The following BLZF1 variants were observed in gnomAD, a reference collection of about 807,000 sequenced individuals.
BLZF1 encodes the protein basic leucine zipper nuclear factor 1.
BLZF1 carries 39 observed loss-of-function variants against 43.8 expected under a neutral mutation model. The observed-to-expected ratio is 0.89, with a 90% CI of 0.69 to 1.16. The LOEUF (loss-of-function observed/expected upper bound fraction) is 1.16, where lower values mean the gene tolerates loss of function less well. BLZF1 is among the 50% of genes most tolerant of loss of function. The pLI, the probability that BLZF1 is intolerant of heterozygous loss-of-function variation, is 0.00. For missense variants in BLZF1, 449 were observed against 469.8 expected (o/e 0.96, Z 0.41); for synonymous variants, 136 against 159.4 (o/e 0.85, Z 1.11).
chr1:169,377,114 C>G, intron 3 of BLZF1, 135 bp downstream of exon 3: 1 of 746,168 alleles, frequency 1.3e-6, no homozygotes, highest in Non-Finnish European at 2.2e-6. Context: ...AATGCTTCCT[C>G]TTAAATTTCT....
Position 169,378,416 on chromosome 1 carries a change from T to C in BLZF1, c.555T>C (p.Asn185=), listed in dbSNP as rs1223391217. The part of the protein sequence containing the change: ...YHFERLAREK[N]QLILENEALG... ...TTGAACGTCTAGCCCGTGAGAAAAA[T>C]CAGCTTATTTTAGAAAATGAAGCCC... Residue 185 remains asparagine, a synonymous_variant, in exon 4 of 7, where the codon AAT becomes AAC. Transcript: ENST00000367808. The C allele has an allele frequency of 1.9e-6, 3 of 1,613,052 alleles. No homozygotes were observed. The highest frequency in any genetic ancestry group is 1.7e-5 in the Admixed American group (1 of 59,950).
At position 169,376,927 on chromosome 1, in the gene BLZF1, G is replaced by C; in HGVS notation, c.416G>C (p.Arg139Thr). 1.9e-6 allele frequency: 3 copies of C among 1,613,190 alleles called. No individual in the cohort carries two copies. Among genetic ancestry groups the C allele is most frequent in the Non-Finnish European group, 2.5e-6 (3 of 1,179,496 alleles). ...VLEKLKNSER[R>T]LLQDKEGLSN... is the part of the protein sequence containing the mutation. ...GAAAAGCTCAAGAATTCTGAAAGAA[G>C]GTTACTACAGGACAAAGAAGGTCTT... is the stretch of plus-strand genomic sequence containing the variant. The change falls in exon 3 of 7, where the codon AGG becomes ACG. Residue 139 changes from arginine (R) to threonine (T), a missense_variant. By Grantham distance (71) the Arg-to-Thr change is moderately conservative (BLOSUM62 -1). Transcript: ENST00000367808.
At chr1:169,371,274 C>T (rs1654109731) in intron 2 of BLZF1, among the ~76,000 whole-genome samples, 1 of 152,090 alleles carries the variant, frequency 6.6e-6, no homozygotes, top group African/African-American at 2.4e-5. Flanking sequence ...CAACATGGTG[C>T]TTGTCAAAAA....
intron 3 of BLZF1, 111 bp from the exon 4 acceptor site, chr1:169,378,214 TTCAAG>T: frequency 1.1e-6 from 1 of 939,260 alleles, no homozygotes; most frequent in East Asian, 2.5e-5. Flanking sequence ...TGATAGAAAC[TTCAAG>T]TCACGGAGGT....
chr1:169,373,908 C>T (rs1557846314), intron 2 of BLZF1, among the ~76,000 whole-genome samples: 1 of 152,074 alleles, frequency 6.6e-6, no homozygotes, highest in Non-Finnish European at 1.5e-5. Context: ...TTTCCTCAGC[C>T]TCAGTGGGCC....
At chr1:169,370,505 G>T (rs1654081051) in intron 2 of BLZF1, among the ~76,000 whole-genome samples, 1 of 152,116 alleles carries the variant, frequency 6.6e-6, no homozygotes. Context: ...CTACTCTGTA[G>T]CCTTTCACTG....
chr1:169,384,742 C>A (rs1344281487), intron 6 of BLZF1, among the ~76,000 whole-genome samples: 1 of 152,168 alleles, frequency 6.6e-6, no homozygotes, highest in Non-Finnish European at 1.5e-5. Context: ...CTGAATCTTG[C>A]TGGCAATCTG....
At chr1:169,378,575 A>G (rs150391978) in intron 4 of BLZF1, 46 bp downstream of exon 4, 3 of 1,586,866 alleles carry the variant, frequency 1.9e-6, no homozygotes, top group South Asian at 2.2e-5. Context: ...TTTTTGCTCC[A>G]TCAGGTTTTT....
At chr1:169,369,353 C>CT in intron 1 of BLZF1, 120 bp from the exon 2 acceptor site, 1 of 504,472 alleles carries the variant, frequency 2.0e-6, no homozygotes. Context: ...GGACATTTCT[C>CT]TTTCTAAATG....
At chr1:169,378,791 T>C (rs1445969560) in intron 4 of BLZF1, among the ~76,000 whole-genome samples, 1 of 152,008 alleles carries the variant, frequency 6.6e-6, no homozygotes, top group African/African-American at 2.4e-5. Flanking sequence ...AACAAAACTG[T>C]AAACTCAGAC....
At chr1:169,382,026 C>G in intron 5 of BLZF1, 36 bp from the exon 6 acceptor site, 1 of 1,519,698 alleles carries the variant, frequency 6.6e-7, no homozygotes, top group Non-Finnish European at 9.0e-7. Context: ...ATTTTGCTCT[C>G]TTACTATGTC....
rs769356495 is a variant in BLZF1, at chr1:169,387,180, T to G, written c.1201T>G (p.Ter401GluextTer29). 2 of 1,611,966 alleles carry G rather than the reference T, an allele frequency of 1.2e-6. No individual in the cohort carries two copies. The highest frequency in any genetic ancestry group is 1.7e-5 in the Admixed American group (1 of 59,442). ...CTGCCGGGGAGAACTGATTGCCCTT[T>G]AACAGTCAATATGTTGGAGGCATGC... ...NHCRGELIAL[*>E] is the part of the protein sequence containing the mutation. The change falls in exon 7 of 7, where the codon TAA becomes GAA. Residue 401 changes from the stop codon to glutamate, a stop_lost. Transcript: ENST00000367808.
At chr1:169,384,807 C>T (rs1654624109) in intron 6 of BLZF1, among the ~76,000 whole-genome samples, 2 of 152,154 alleles carry the variant, frequency 1.3e-5, no homozygotes, top group African/African-American at 2.4e-5. Flanking sequence ...TGTAACTGCT[C>T]TTTACTGTAT....
chr1:169,389,292 C>T (rs1158615103), downstream of BLZF1, among the ~76,000 whole-genome samples: 1 of 150,676 alleles, frequency 6.6e-6, no homozygotes, highest in Non-Finnish European at 1.5e-5. Context: ...GAAACTTCCT[C>T]TCAAAAAAAA....
intron 6 of BLZF1, among the ~76,000 whole-genome samples, chr1:169,386,058 C>T (rs868155330): frequency 4.9e-4 from 74 of 152,126 alleles, no homozygotes; most frequent in African/African-American, 1.6e-3. Context: ...GCACGTTATC[C>T]CTGCCCTTAA....
At chr1:169,379,904 G>A (rs527996788) in intron 4 of BLZF1, among the ~76,000 whole-genome samples, 4 of 151,738 alleles carry the variant, frequency 2.6e-5, no homozygotes, top group Non-Finnish European at 4.4e-5. Flanking sequence ...AGAAAAGTTC[G>A]TATTCAGTAT....
Position 169,387,016 on chromosome 1 carries a change from C to G in BLZF1, c.1037C>G (p.Pro346Arg), listed in dbSNP as rs778869599. 6.2e-7 allele frequency: 1 copy of G among 1,608,048 alleles called. No homozygotes were observed. Among genetic ancestry groups the G allele is most frequent in the South Asian group, 1.1e-5 (1 of 90,100 alleles). ...MAETVLRILDPVTCKESSPDN... is the reference protein window; with the variant it reads ...MAETVLRILDRVTCKESSPDN... ...CCTTAGGTTCTAAGAATTTTAGATC[C>G]AGTTACCTGCAAAGAGAGTTCACCT... Residue 346 changes from proline to arginine, a missense_variant, in exon 7 of 7, where the codon CCA becomes CGA. Pro to Arg is a moderately radical substitution (Grantham distance 103, BLOSUM62 -2). Coordinates refer to ENST00000367808, the MANE Select transcript of BLZF1 (RefSeq NM_001320973.2).
At chr1:169,384,242 A>G (rs1654608441) in intron 6 of BLZF1, among the ~76,000 whole-genome samples, 1 of 152,150 alleles carries the variant, frequency 6.6e-6, no homozygotes, top group Admixed American at 6.5e-5. Context: ...AATGGTAGCT[A>G]TCGTTTTTAC....
intron 4 of BLZF1, 145 bp from the exon 5 acceptor site, chr1:169,380,336 T>A: frequency 1.5e-6 from 1 of 661,560 alleles, no homozygotes; most frequent in Non-Finnish European, 2.3e-6. Context: ...TTAATGCTCT[T>A]TAGCTAAAAT....
Sources: allele counts gnomAD v4.1 joint callset (sites outside exome capture counted in the v4.1 genomes callset), GRCh38; gene constraint gnomAD v4.1.1; transcripts MANE v1.5; gene names NCBI Gene and HGNC (gene_info 2026-07-23, HGNC 2026-07-21).